The following YPEL5 variants were observed in gnomAD, a reference collection of about 807,000 sequenced individuals.
The protein encoded by YPEL5 is protein yippee-like 5.
In YPEL5, 1 loss-of-function variant was observed where a neutral mutation model predicts 10.5. The ratio of observed to expected loss-of-function variants is 0.10; its 90% CI spans 0.03 to 0.45. The LOEUF (loss-of-function observed/expected upper bound fraction) is 0.45, where lower values mean the gene tolerates loss of function less well. Among genes scored for constraint, YPEL5 ranks in the 20% least tolerant of loss-of-function variants. The probability of loss-of-function intolerance (pLI) is 0.97; values close to 1 mark genes in which losing one functional copy is unlikely to be tolerated. For synonymous variants in YPEL5, 61 were observed against 56.6 expected (o/e 1.08, Z -0.35); for missense variants, 68 against 159.3 (o/e 0.43, Z 3.09).
intron 2 of YPEL5, among the ~76,000 whole-genome samples, chr2:30,157,199 C>T (rs1342749757): frequency 6.6e-6 from 1 of 151,976 alleles, no homozygotes; most frequent in East Asian, 1.9e-4. Context: ...AGGAGAAACA[C>T]TTGAACCTGG....
In YPEL5 at chr2:30,152,499, T is replaced by C. The variant is rs375546950; in HGVS notation, c.-24-4129T>C. Among the ~76,000 whole-genome samples the C allele has an allele frequency of 6.6e-5, 10 of 152,320 alleles. No individual in the cohort carries two copies. In the South Asian group the frequency reaches 1.9e-3, roughly 28 times the overall value. On this transcript the variant is annotated intron_variant, in intron 1 of 2. Coordinates refer to ENST00000261353, the MANE Select transcript of YPEL5 (RefSeq NM_016061.3). ...AAATGACTTACTAGGGTTTCTAGTT[T>C]AGGAGAGTTTGTGATTGCAGTTGGC...
chr2:30,158,613 T>G lies in YPEL5; in HGVS notation c.142-6T>G. ...TGCAATTTTGATTTTCCTTGTCCCT[T>G]GTTAGGTAGTTAACCTGCAGTACAG... is the stretch of plus-strand genomic sequence containing the variant. On this transcript the variant is annotated splice_polypyrimidine_tract_variant and splice_region_variant and intron_variant, in intron 2 of 2. Transcript: ENST00000261353. 1 of 1,612,768 alleles carries G rather than the reference T, an allele frequency of 6.2e-7. No homozygotes were observed. Among genetic ancestry groups the G allele is most frequent in the Non-Finnish European group, 8.5e-7 (1 of 1,179,796 alleles).
intron 1 of YPEL5, among the ~76,000 whole-genome samples, chr2:30,149,460 A>G (rs1024008818): frequency 1.3e-5 from 2 of 152,244 alleles, no homozygotes; most frequent in Non-Finnish European, 2.9e-5. Flanking sequence ...AGTTGATTGT[A>G]TGGATCAAAC....
chr2:30,157,180 G>A (rs552542998), intron 2 of YPEL5, among the ~76,000 whole-genome samples: 17 of 152,054 alleles, frequency 1.1e-4, no homozygotes, highest in Non-Finnish European at 2.1e-4. Context: ...CTACTCGGGA[G>A]GCTGAGGCAG....
Position 30,158,829 on chromosome 2 carries a change from T to A in YPEL5, c.352T>A (p.Ser118Thr). 6.2e-7 allele frequency: 1 copy of A among 1,614,160 alleles called. No homozygotes were observed. The highest frequency in any genetic ancestry group is 8.5e-7 in the Non-Finnish European group (1 of 1,180,020). Residue 118 changes from serine (S) to threonine (T), a missense_variant, in exon 3 of 3, where the codon TCT becomes ACT. This residue lies in a region of YPEL5 where 20 missense variants were observed against 21.0 expected (regional missense o/e 0.95). Coordinates refer to ENST00000261353, the MANE Select transcript of YPEL5 (RefSeq NM_016061.3). ...ESEGFEEHVP[S>T]DNS ...TGAGGGCTTTGAGGAGCATGTACCA[T>A]CTGATAACTCTTGAAGATACAGAGA... is the stretch of plus-strand genomic sequence containing the variant.
At chr2:30,155,795 T>C (rs996231559) in intron 1 of YPEL5, 17 of 152,250 alleles carry the variant, frequency 1.1e-4, no homozygotes, top group Admixed American at 9.8e-4. Context: ...TTAAAGATAA[T>C]CAAGTTATGT....
rs745454805 is a variant in YPEL5, at chr2:30,159,530, TATAA to T, written c.*693_*696del. 3.9e-5 allele frequency: 6 copies of T among 152,666 alleles called. No individual in the cohort carries two copies. The highest frequency in any genetic ancestry group is 8.8e-5 in the Non-Finnish European group (6 of 68,048). 9.5% of individuals were successfully genotyped at this position (152,666 alleles called of 1,614,324 possible). A position where few individuals can be genotyped will look rare whatever the true frequency, so the allele number is the denominator to read the frequency against. Reference sequence around the variant, plus strand: ...TTTCCATGTAACTTAAGCATAGTAATATAAATAAAGTAATAGTTGGATGCTTTTG... The same window carrying T: ...TTTCCATGTAACTTAAGCATAGTAATATAAAGTAATAGTTGGATGCTTTTG... On this transcript the variant is annotated 3_prime_UTR_variant, in exon 3 of 3. Coordinates refer to ENST00000261353, the MANE Select transcript of YPEL5 (RefSeq NM_016061.3).
chr2:30,150,533 A>T lies in YPEL5; in HGVS notation c.-25+3471A>T, dbSNP rs558899165. Among the ~76,000 whole-genome samples the T allele has an allele frequency of 7.5e-4, 114 of 152,336 alleles. 1 individual carries two copies. The Middle Eastern group carries it at 0.014, about 18-fold the overall frequency. Reference sequence around the variant, plus strand: ...CCTGGGGGTGGAGAGAGGAGAGAGCAGCTGGTAGATATTATCTATTTTTAT... The same window carrying T: ...CCTGGGGGTGGAGAGAGGAGAGAGCTGCTGGTAGATATTATCTATTTTTAT... On this transcript the variant is annotated intron_variant, in intron 1 of 2. Coordinates refer to ENST00000261353, the MANE Select transcript of YPEL5 (RefSeq NM_016061.3).
rs1676148106 is a variant in YPEL5 at position 30,158,636 on chromosome 2, C to T, written c.159C>T (p.Tyr53=). ...FLFNKVVNLQ[Y]SEVQDRVMLT... ...CTTGTTAGGTAGTTAACCTGCAGTA[C>T]AGTGAAGTTCAAGATCGGGTCATGC... The change falls in exon 3 of 3, where the codon TAC becomes TAT. Residue 53 remains tyrosine, a synonymous_variant. Transcript: ENST00000261353. 1 of 1,613,492 alleles carries T rather than the reference C, an allele frequency of 6.2e-7. No individual in the cohort carries two copies. Among genetic ancestry groups the T allele is most frequent in the African/African-American group, 1.3e-5 (1 of 74,918 alleles).
rs1489394366 is a variant in YPEL5 at position 30,158,822 on chromosome 2, T to A, written c.345T>A (p.His115Gln). ...GAGAGAGTGAGGGCTTTGAGGAGCA[T>A]GTACCATCTGATAACTCTTGAAGAT... ...LVRESEGFEEHVPSDNS is the reference protein window; with the variant it reads ...LVRESEGFEEQVPSDNS Residue 115 changes from histidine (H) to glutamine (Q), a missense_variant, in exon 3 of 3, where the codon CAT (histidine) becomes CAA (glutamine). Coordinates refer to ENST00000261353, the MANE Select transcript of YPEL5 (RefSeq NM_016061.3). The A allele has an allele frequency of 1.9e-6, 3 of 1,614,074 alleles. No individual in the cohort carries two copies. The highest frequency in any genetic ancestry group is 1.7e-6 in the Non-Finnish European group (2 of 1,180,040).
rs775620480 is a variant in YPEL5, at chr2:30,159,195, ATGTT to A, written c.*353_*356del. On this transcript the variant is annotated 3_prime_UTR_variant, in exon 3 of 3. Transcript: ENST00000261353. ...GTTTTATGTCAATTGTGAAAGGAAA[ATGTT>A]AGGAGTATGGTTTTTAAACTTGGGC... 1.0e-4 allele frequency: 21 copies of A among 208,588 alleles called. No homozygotes were observed. Among genetic ancestry groups the A allele is most frequent in the Non-Finnish European group, 2.0e-4 (20 of 102,558 alleles). The allele number at this position is 208,588 out of a possible 1,614,324, so 12.9% of individuals were successfully genotyped here.
intron 1 of YPEL5, among the ~76,000 whole-genome samples, chr2:30,154,887 C>T (rs1014299449): frequency 4.6e-5 from 7 of 152,134 alleles, no homozygotes; most frequent in Non-Finnish European, 8.8e-5. Flanking sequence ...TACAGGCGTG[C>T]GCCACCACGT....
intron 1 of YPEL5, chr2:30,148,551 A>G (rs1254430942): frequency 6.6e-6 from 1 of 152,382 alleles, no homozygotes; most frequent in Middle Eastern, 3.4e-3. Context: ...GGTAAGAAGT[A>G]AAGTACAAAG....
intron 1 of YPEL5, among the ~76,000 whole-genome samples, chr2:30,155,303 A>G (rs1175823016): frequency 1.3e-5 from 2 of 152,188 alleles, no homozygotes; most frequent in Non-Finnish European, 2.9e-5. Flanking sequence ...GGGGAGTCAT[A>G]ATGATTTTTG....
intron 1 of YPEL5, among the ~76,000 whole-genome samples, chr2:30,147,320 C>T (rs1391785613): frequency 1.3e-5 from 2 of 150,046 alleles, no homozygotes; most frequent in Non-Finnish European, 3.0e-5. Context: ...CCGCCGTCGG[C>T]CCGCCCCCGC....
chr2:30,156,689 G>T lies in YPEL5; in HGVS notation c.38G>T (p.Arg13Leu). 1 of 1,614,110 alleles carries T rather than the reference G, an allele frequency of 6.2e-7. No individual in the cohort carries two copies. The highest frequency in any genetic ancestry group is 1.3e-5 in the African/African-American group (1 of 75,014). The change falls in exon 2 of 3, where the codon CGT becomes CTT. Residue 13 changes from arginine to leucine, a missense_variant. By Grantham distance (102) the Arg-to-Leu change is moderately radical. Around this residue, in one of 2 missense-constraint regions of YPEL5, gnomAD observed 48 missense variants for 138.4 expected, o/e 0.35. Transcript: ENST00000261353. ...RIFLDHIGGT[R>L]LFSCANCDTI... Reference sequence around the variant, plus strand: ...TTCCTTGATCATATCGGTGGTACCCGTCTGTTTTCTTGTGCAAACTGTGAT... The same window carrying T: ...TTCCTTGATCATATCGGTGGTACCCTTCTGTTTTCTTGTGCAAACTGTGAT...
chr2:30,147,540 T>C (rs1322990102), intron 1 of YPEL5: 3 of 140,530 alleles, frequency 2.1e-5, no homozygotes, highest in African/African-American at 7.8e-5. Flanking sequence ...GCGCGCCCGG[T>C]CTCCGCCCCG....
chr2:30,156,818 A>G, intron 2 of YPEL5, 26 bp downstream of exon 2: 1 of 1,613,640 alleles, frequency 6.2e-7, no homozygotes, highest in Non-Finnish European at 8.5e-7. Flanking sequence ...TTTGATTCCT[A>G]AGTGGGCTTA....
Position 30,158,999 on chromosome 2 carries a change from T to C in YPEL5, c.*156T>C. 1 of 740,538 alleles carries C rather than the reference T, an allele frequency of 1.4e-6. No individual in the cohort carries two copies. The highest frequency in any genetic ancestry group is 2.1e-6 in the Non-Finnish European group (1 of 466,704). 45.9% of individuals were successfully genotyped at this position (740,538 alleles called of 1,614,324 possible). On this transcript the variant is annotated 3_prime_UTR_variant, in exon 3 of 3. Transcript: ENST00000261353. ...ATGGAACCTTTCTTTCTTTCTTTCTTTTTTTTTAAATTTTGTATTTTCCAT... is the reference window on the plus strand; with the variant it reads ...ATGGAACCTTTCTTTCTTTCTTTCTCTTTTTTTAAATTTTGTATTTTCCAT...
Sources: allele counts gnomAD v4.1 joint callset (sites outside exome capture counted in the v4.1 genomes callset), GRCh38; gene constraint gnomAD v4.1.1; regional missense constraint gnomAD v4.1.1; transcripts MANE v1.5; gene names NCBI Gene and HGNC (gene_info 2026-07-23, HGNC 2026-07-21).